Variants in REDIC1 observed in about 807,000 individuals in gnomAD.
The protein encoded by REDIC1 is HEI10 Interacting Protein 1.
the REDIC1 span, chr12:39,682,507 TG>T: frequency 2.9e-6 from 2 of 690,388 alleles, no homozygotes; most frequent in South Asian, 8.1e-5. Flanking sequence ...TCTAGGTAAA[TG>T]TTAGTAGCAA....
chr12:39,791,140 G>T, the REDIC1 span, among the ~76,000 whole-genome samples: 2 of 151,632 alleles, frequency 1.3e-5, no homozygotes, highest in Non-Finnish European at 2.9e-5. Flanking sequence ...AGATGAGTAG[G>T]TTGCAAAAAT....
At chr12:39,799,661 G>A in the REDIC1 span, among the ~76,000 whole-genome samples, 3 of 152,174 alleles carry the variant, frequency 2.0e-5, no homozygotes, top group South Asian at 6.2e-4. Flanking sequence ...AAAACAGTAT[G>A]TACAATTAAT....
At chr12:39,705,240 A>ACT in the REDIC1 span, among the ~76,000 whole-genome samples, 1 of 152,026 alleles carries the variant, frequency 6.6e-6, no homozygotes, top group Non-Finnish European at 1.5e-5. Context: ...CTAGACACAC[A>ACT]CAATTTACCA....
At chr12:39,726,198 C>G in the REDIC1 span, among the ~76,000 whole-genome samples, 1 of 151,962 alleles carries the variant, frequency 6.6e-6, no homozygotes, top group African/African-American at 2.4e-5. Context: ...GTTCCGGACA[C>G]AGGTGCAGAA....
chr12:39,786,945 A>G, the REDIC1 span, among the ~76,000 whole-genome samples: 1 of 152,146 alleles, frequency 6.6e-6, no homozygotes, highest in Admixed American at 6.6e-5. Context: ...GACTTTTTAC[A>G]TGAATCTAAT....
chr12:39,798,373 C>T, the REDIC1 span, among the ~76,000 whole-genome samples: 2 of 152,240 alleles, frequency 1.3e-5, no homozygotes, highest in Non-Finnish European at 2.9e-5. Flanking sequence ...TTTAGAGTCA[C>T]TTGTGGCATA....
chr12:39,661,278 G>A, the REDIC1 span, among the ~76,000 whole-genome samples: 1 of 152,038 alleles, frequency 6.6e-6, no homozygotes, highest in East Asian at 1.9e-4. Context: ...CACCAACAGT[G>A]TATGAGAGTT....
chr12:39,714,243 GTATA>G, the REDIC1 span, among the ~76,000 whole-genome samples: 2 of 106,360 alleles, frequency 1.9e-5, 1 homozygote, highest in Non-Finnish European at 4.1e-5. Flanking sequence ...ATGTATATAT[GTATA>G]TACGTATATG....
At chr12:39,837,145 T>C in the REDIC1 span, among the ~76,000 whole-genome samples, 1 of 124,440 alleles carries the variant, frequency 8.0e-6, no homozygotes, top group Non-Finnish European at 1.6e-5. Context: ...AACAGAGATA[T>C]AGATCAATGG....
the REDIC1 span, among the ~76,000 whole-genome samples, chr12:39,859,124 T>A: frequency 2.0e-5 from 3 of 152,122 alleles, no homozygotes; most frequent in African/African-American, 7.2e-5. Flanking sequence ...GTCACCACCA[T>A]CTACAGATGA....
At chr12:39,816,756 T>C in the REDIC1 span, among the ~76,000 whole-genome samples, 1 of 152,080 alleles carries the variant, frequency 6.6e-6, no homozygotes, top group Non-Finnish European at 1.5e-5. Context: ...TTGGTTATGC[T>C]GCAAGAACCT....
At chr12:39,672,521 A>G in the REDIC1 span, among the ~76,000 whole-genome samples, 14 of 152,118 alleles carry the variant, frequency 9.2e-5, no homozygotes, top group East Asian at 1.9e-4. Context: ...GGGAGAACCT[A>G]TCTTCAGCGC....
chr12:39,830,069 A>G, the REDIC1 span: 4 of 1,612,330 alleles, frequency 2.5e-6, no homozygotes, highest in South Asian at 1.1e-5. Flanking sequence ...TTGAAATATT[A>G]TTATATATTC....
At chr12:39,669,156 G>T in the REDIC1 span, among the ~76,000 whole-genome samples, 1 of 152,084 alleles carries the variant, frequency 6.6e-6, no homozygotes, top group African/African-American at 2.4e-5. Context: ...CAGTTTTTCT[G>T]CTCCGTTTTT....
chr12:39,740,702 T>G, the REDIC1 span, among the ~76,000 whole-genome samples: 2 of 152,196 alleles, frequency 1.3e-5, no homozygotes, highest in African/African-American at 2.4e-5. Context: ...AATGGGAGAC[T>G]TGGAGTCCAA....
At chr12:39,690,457 C>T in the REDIC1 span, among the ~76,000 whole-genome samples, 867 of 151,946 alleles carry the variant, frequency 5.7e-3, 10 homozygotes, top group African/African-American at 0.02. Flanking sequence ...ACTAGGAAAC[C>T]GGATCAAGAT....
At chr12:39,715,362 G>A in the REDIC1 span, among the ~76,000 whole-genome samples, 42 of 151,852 alleles carry the variant, frequency 2.8e-4, no homozygotes, top group Non-Finnish European at 4.6e-4. Context: ...TTGAAGATCA[G>A]TTGGCTGTAA....
At chr12:39,658,076 A>G in the REDIC1 span, among the ~76,000 whole-genome samples, 1 of 119,212 alleles carries the variant, frequency 8.4e-6, no homozygotes, top group African/African-American at 3.0e-5. Context: ...ATTTTTATTC[A>G]CATCAAAATA....
At chr12:39,721,722 C>T in the REDIC1 span, 4 of 152,544 alleles carry the variant, frequency 2.6e-5, no homozygotes, top group Non-Finnish European at 5.8e-5. Context: ...TTGTTAGCTA[C>T]TTCTCTTTAA....
Sources: gnomAD v4.1 joint callset for allele counts (sites outside exome capture counted in the v4.1 genomes callset) on GRCh38, gnomAD v4.1.1 for gene constraint, MANE v1.5 for transcripts, NCBI Gene and HGNC (gene_info 2026-07-23, HGNC 2026-07-21) for gene names.